Variants in STK31 observed in about 807,000 individuals in gnomAD.
The protein encoded by STK31 is serine/threonine-protein kinase 31.
A neutral mutation model predicts 129.7 loss-of-function variants in STK31; 89 were observed. That is an observed-to-expected ratio of 0.69 (90% CI 0.58 to 0.82). The LOEUF is 0.82. STK31 is among the 40% of genes least tolerant of loss of function. The pLI, the probability that STK31 is intolerant of heterozygous loss-of-function variation, is 0.00. For synonymous variants in STK31, 448 were observed against 395.3 expected, an observed-to-expected ratio of 1.13 and a Z score of -1.58; for missense variants, 1,187 against 1,176.4, an observed-to-expected ratio of 1.01 and a Z score of -0.13.
intron 6 of STK31, among the ~76,000 whole-genome samples, chr7:23,732,506 G>C (rs1787492934): frequency 6.6e-6 from 1 of 152,172 alleles, no homozygotes; most frequent in Non-Finnish European, 1.5e-5. Context: ...GGAAGACTCA[G>C]ATTTTATTTC....
intron 3 of STK31, among the ~76,000 whole-genome samples, chr7:23,715,257 C>G (rs1181220134): frequency 6.6e-6 from 1 of 151,932 alleles, no homozygotes; most frequent in East Asian, 1.9e-4. Context: ...TATAAGCAAA[C>G]ACTTCAGATT....
chr7:23,792,228 G>A (rs1791663655), intron 22 of STK31, among the ~76,000 whole-genome samples: 1 of 152,166 alleles, frequency 6.6e-6, no homozygotes, highest in Non-Finnish European at 1.5e-5. Flanking sequence ...GCTTAATTAT[G>A]TAGAAAATCT....
intron 6 of STK31, among the ~76,000 whole-genome samples, chr7:23,734,383 C>T (rs1787599575): frequency 6.6e-6 from 1 of 152,068 alleles, no homozygotes; most frequent in African/African-American, 2.4e-5. Flanking sequence ...TTTTAATTTC[C>T]TTTATAGTAC....
At position 23,785,501 on chromosome 7, in the gene STK31, G is replaced by C. The variant is rs1352805526; in HGVS notation, c.2172G>C (p.Met724Ile). The change falls in exon 18 of 24, where the codon ATG (methionine) becomes ATC (isoleucine). Residue 724 changes from methionine (M) to isoleucine (I), a missense_variant. Met to Ile is a conservative substitution (Grantham distance 10, BLOSUM62 1). This residue lies in a region of STK31 where 975 missense variants were observed against 934.9 expected (regional missense o/e 1.04). Coordinates refer to ENST00000355870, the MANE Select transcript of STK31 (RefSeq NM_031414.5). ...AGAACTCTGGTGGTCTCCTTACAAT[G>C]AGCTTGGAACGAGATCTTCTTGATG... The part of the protein sequence containing the change: ...KYMNSGGLLT[M>I]SLERDLLDAE... 1 of 1,613,746 alleles carries C rather than the reference G, an allele frequency of 6.2e-7. No individual in the cohort carries two copies. The highest frequency in any genetic ancestry group is 2.2e-5 in the East Asian group (1 of 44,868).
At chr7:23,717,606 T>C in intron 4 of STK31, 27 bp downstream of exon 4, 1 of 1,525,464 alleles carries the variant, frequency 6.6e-7, no homozygotes, top group Non-Finnish European at 9.0e-7. Context: ...AATATAATTA[T>C]TTCATTCCTC....
At chr7:23,744,084 T>A (rs1406231141) in intron 8 of STK31, among the ~76,000 whole-genome samples, 2 of 151,860 alleles carry the variant, frequency 1.3e-5, no homozygotes, top group African/African-American at 4.8e-5. Flanking sequence ...CATGCTGAGC[T>A]AATATTTTAA....
intron 11 of STK31, among the ~76,000 whole-genome samples, chr7:23,767,820 G>T (rs1789926026): frequency 6.6e-6 from 1 of 152,110 alleles, no homozygotes; most frequent in Admixed American, 6.5e-5. Context: ...TCTTTCACTT[G>T]TAGGGACTTT....
chr7:23,743,772 C>T (rs1008752530), intron 8 of STK31, among the ~76,000 whole-genome samples: 6 of 151,898 alleles, frequency 4.0e-5, no homozygotes, highest in African/African-American at 1.5e-4. Flanking sequence ...AATTCAAATA[C>T]TTGTTTGCAG....
In STK31 at chr7:23,755,878, A is replaced by C. The variant is rs192585926; in HGVS notation, c.1293+1404A>C. On this transcript the variant is annotated intron_variant, in intron 10 of 23. Coordinates refer to ENST00000355870, the MANE Select transcript of STK31 (RefSeq NM_031414.5). ...ATATGTCTGTTTTGGTACCAGTAGC[A>C]TGCTGTTTTGGTTACTGTAGCCTTG... 2.0e-3 allele frequency among the ~76,000 whole-genome samples: 305 copies of C among 152,322 alleles called. 1 individual carries two copies. Among genetic ancestry groups the C allele is most frequent in the African/African-American group, 7.0e-3 (292 of 41,570 alleles).
chr7:23,748,871 A>G (rs1356770779), intron 8 of STK31, among the ~76,000 whole-genome samples: 43 of 152,180 alleles, frequency 2.8e-4, no homozygotes, highest in Admixed American at 2.8e-3. Context: ...TTATACATAA[A>G]TTTTCAAGAC....
At chr7:23,774,958 G>C (rs184072974) in intron 15 of STK31, among the ~76,000 whole-genome samples, 1 of 152,138 alleles carries the variant, frequency 6.6e-6, no homozygotes, top group Non-Finnish European at 1.5e-5. Flanking sequence ...TTTGTATAAG[G>C]TGTAAGGAAG....
chr7:23,761,423 C>CTTT (rs11326557), intron 10 of STK31, among the ~76,000 whole-genome samples: 1 of 136,870 alleles, frequency 7.3e-6, no homozygotes, highest in African/African-American at 2.7e-5. Flanking sequence ...TGGCCATATG[C>CTTT]TTTTTTTTTT....
At chr7:23,761,707 T>C (rs114505153) in intron 10 of STK31, among the ~76,000 whole-genome samples, 1,785 of 151,144 alleles carry the variant, frequency 0.012, 35 homozygotes, top group African/African-American at 0.04. Context: ...CGTGCCCAGA[T>C]GTTTTTTTTT....
At chr7:23,757,576 G>T (rs985669770) in intron 10 of STK31, among the ~76,000 whole-genome samples, 84 of 152,112 alleles carry the variant, frequency 5.5e-4, no homozygotes, top group African/African-American at 2.0e-3. Flanking sequence ...TAGTATTGCC[G>T]TCAGCATGTC....
chr7:23,751,734 AG>A (rs896099098), intron 8 of STK31, among the ~76,000 whole-genome samples: 114 of 152,240 alleles, frequency 7.5e-4, no homozygotes, highest in African/African-American at 2.6e-3. Context: ...TTTTAAAAAA[AG>A]TTCTATTATT....
rs772467467 is a variant in STK31, at chr7:23,752,835, A to C, written c.1133+3A>C. 1.3e-6 allele frequency: 2 copies of C among 1,554,864 alleles called. No homozygotes were observed. Among genetic ancestry groups the C allele is most frequent in the South Asian group, 2.3e-5 (2 of 87,706 alleles). Reference sequence around the variant, plus strand: ...ATGGAAATACTGAAAGAAATGAGGTAGGTAAAAGCATATTTTTCAGAAGGA... The same window carrying C: ...ATGGAAATACTGAAAGAAATGAGGTCGGTAAAAGCATATTTTTCAGAAGGA... On this transcript the variant is annotated splice_donor_region_variant and intron_variant, in intron 9 of 23. Coordinates refer to ENST00000355870, the MANE Select transcript of STK31 (RefSeq NM_031414.5).
intron 22 of STK31, among the ~76,000 whole-genome samples, chr7:23,810,669 A>T (rs1793039921): frequency 7.6e-6 from 1 of 131,758 alleles, no homozygotes; most frequent in African/African-American, 2.9e-5. Context: ...AAAATATATA[A>T]TATATATAAA....
At chr7:23,813,578 A>G (rs1461181645) in intron 22 of STK31, among the ~76,000 whole-genome samples, 1 of 152,170 alleles carries the variant, frequency 6.6e-6, no homozygotes, top group African/African-American at 2.4e-5. Flanking sequence ...TGTGGTTTTA[A>G]CGACAATCTA....
At chr7:23,711,934 GAATT>G (rs987025071) in intron 1 of STK31, among the ~76,000 whole-genome samples, 161 bp from the exon 2 acceptor site, 18 of 139,812 alleles carry the variant, frequency 1.3e-4, no homozygotes, top group South Asian at 2.4e-4. Flanking sequence ...ATACTCAAAA[GAATT>G]AGTTAGTGAA....
Sources: allele counts gnomAD v4.1 joint callset (sites outside exome capture counted in the v4.1 genomes callset), GRCh38; gene constraint gnomAD v4.1.1; regional missense constraint gnomAD v4.1.1; transcripts MANE v1.5; gene names NCBI Gene and HGNC (gene_info 2026-07-23, HGNC 2026-07-21).